SEZ6L: variants seen among roughly 807,000 people sequenced by gnomAD.
SEZ6L encodes the protein seizure related 6 homolog like.
Under a neutral mutation model 106.2 loss-of-function variants are expected in SEZ6L, and 37 were observed. That is an observed-to-expected ratio of 0.35 (90% CI 0.27 to 0.46). The LOEUF is 0.46. SEZ6L is among the 20% of genes least tolerant of loss of function. The probability of loss-of-function intolerance (pLI) is 1.00; values close to 1 mark genes in which losing one functional copy is unlikely to be tolerated. For missense variants in SEZ6L, 1,172 were observed against 1,332.8 expected, an observed-to-expected ratio of 0.88 and a Z score of 1.88; for synonymous variants, 541 against 570.4, an observed-to-expected ratio of 0.95 and a Z score of 0.73.
At chr22:26,347,428 T>TC (rs1275689330) in intron 10 of SEZ6L, among the ~76,000 whole-genome samples, 1 of 151,754 alleles carries the variant, frequency 6.6e-6, no homozygotes, top group Non-Finnish European at 1.5e-5. Flanking sequence ...AAAGTGATTG[T>TC]CCCCCCGTCA....
intron 6 of SEZ6L, among the ~76,000 whole-genome samples, chr22:26,310,006 T>G (rs955628223): frequency 6.6e-6 from 1 of 152,252 alleles, no homozygotes; most frequent in Admixed American, 6.5e-5. Context: ...CAGGTCTGCC[T>G]GACTTTACAA....
intron 1 of SEZ6L, among the ~76,000 whole-genome samples, chr22:26,258,117 A>T (rs571642250): frequency 1.3e-5 from 2 of 152,228 alleles, no homozygotes; most frequent in East Asian, 3.9e-4. Flanking sequence ...CTCTGCCCAG[A>T]TCTGGGTGGA....
chr22:26,266,574 A>AAAATAAATAAATAAAT (rs55949237), intron 1 of SEZ6L, among the ~76,000 whole-genome samples: 1 of 144,598 alleles, frequency 6.9e-6, no homozygotes, highest in Admixed American at 6.9e-5. Flanking sequence ...CTCCGTCTCA[A>AAAATAAATAAATAAAT]AAATAAATAA....
intron 10 of SEZ6L, among the ~76,000 whole-genome samples, chr22:26,341,431 C>A (rs2082833462): frequency 6.6e-6 from 1 of 152,120 alleles, no homozygotes. Context: ...AACCTTTAAA[C>A]CCTGGAGGGT....
chr22:26,330,836 G>A (rs2082457409), intron 9 of SEZ6L, among the ~76,000 whole-genome samples: 1 of 152,118 alleles, frequency 6.6e-6, no homozygotes, highest in African/African-American at 2.4e-5. Context: ...AGTTTAATGT[G>A]CAAACCATAT....
chr22:26,292,353 G>GTGAA, intron 1 of SEZ6L, 53 bp from the exon 2 acceptor site: 1 of 1,435,062 alleles, frequency 7.0e-7, no homozygotes, highest in East Asian at 2.3e-5. Context: ...CTGACAGCAG[G>GTGAA]TGAAGGTCCT....
chr22:26,305,228 T>C (rs910821592), intron 5 of SEZ6L, among the ~76,000 whole-genome samples: 1 of 152,232 alleles, frequency 6.6e-6, no homozygotes, highest in Admixed American at 6.5e-5. Flanking sequence ...TGGTGTTTTT[T>C]TTATTTTTCA....
intron 12 of SEZ6L, among the ~76,000 whole-genome samples, chr22:26,355,612 C>T (rs2083414041): frequency 6.6e-6 from 1 of 152,234 alleles, no homozygotes; most frequent in African/African-American, 2.4e-5. Context: ...CACCTGCAAT[C>T]TGAGCTACTC....
At chr22:26,348,424 A>C (rs1241251011) in intron 11 of SEZ6L, among the ~76,000 whole-genome samples, 1 of 149,032 alleles carries the variant, frequency 6.7e-6, no homozygotes, top group Non-Finnish European at 1.5e-5. Flanking sequence ...GGATTGCTGG[A>C]ACGCAGGTGT....
intron 9 of SEZ6L, among the ~76,000 whole-genome samples, chr22:26,330,691 C>T (rs1237151801): frequency 1.3e-5 from 2 of 152,080 alleles, no homozygotes; most frequent in African/African-American, 4.8e-5. Flanking sequence ...CTAATTTTTG[C>T]GGTTTCCACA....
intron 1 of SEZ6L, among the ~76,000 whole-genome samples, chr22:26,225,364 C>T (rs1199948486): frequency 6.6e-6 from 1 of 152,182 alleles, no homozygotes; most frequent in Non-Finnish European, 1.5e-5. Context: ...CCAGCTCTTG[C>T]TCCTCCATGA....
intron 1 of SEZ6L, among the ~76,000 whole-genome samples, chr22:26,278,930 GAAGA>G (rs200073408): frequency 0.073 from 9,214 of 125,848 alleles, 431 homozygotes; most frequent in Middle Eastern, 0.14. Context: ...AAGGGAAGAA[GAAGA>G]AAGAAAGAAA....
chr22:26,180,722 T>A (rs1939335957), intron 1 of SEZ6L, among the ~76,000 whole-genome samples: 1 of 152,116 alleles, frequency 6.6e-6, no homozygotes, highest in Non-Finnish European at 1.5e-5. Flanking sequence ...AAGAGAAGCC[T>A]CAAGGTGGGG....
At chr22:26,177,909 G>A (rs147839878) in intron 1 of SEZ6L, among the ~76,000 whole-genome samples, 1 of 152,274 alleles carries the variant, frequency 6.6e-6, no homozygotes, top group East Asian at 1.9e-4. Context: ...CCAGAGACAA[G>A]AAAGGGCTTA....
At chr22:26,357,094 G>A (rs2083462573) in intron 12 of SEZ6L, among the ~76,000 whole-genome samples, 1 of 152,062 alleles carries the variant, frequency 6.6e-6, no homozygotes, top group Admixed American at 6.5e-5. Context: ...TGGGACTACA[G>A]GTGCCCGCCA....
chr22:26,197,404 C>T (rs887582222), intron 1 of SEZ6L, among the ~76,000 whole-genome samples: 4 of 152,128 alleles, frequency 2.6e-5, no homozygotes, highest in Non-Finnish European at 5.9e-5. Flanking sequence ...AGTGGGTTTT[C>T]GCAGGTTGGG....
At chr22:26,363,777 T>C (rs1420019965) in intron 12 of SEZ6L, among the ~76,000 whole-genome samples, 10 of 152,218 alleles carry the variant, frequency 6.6e-5, no homozygotes, top group African/African-American at 4.8e-5. Flanking sequence ...TGTCCATCGA[T>C]GGATGAACGA....
intron 9 of SEZ6L, among the ~76,000 whole-genome samples, chr22:26,323,018 G>A (rs1465580790): frequency 6.6e-6 from 1 of 152,222 alleles, no homozygotes; most frequent in Admixed American, 6.5e-5. Flanking sequence ...TCGTAGAATA[G>A]AAGATCCGAG....
chr22:26,202,115 T>A (rs1420241414), intron 1 of SEZ6L, among the ~76,000 whole-genome samples: 1 of 152,084 alleles, frequency 6.6e-6, no homozygotes, highest in African/African-American at 2.4e-5. Context: ...GGGGTTTCAC[T>A]GTGTTAGCCA....
Sources: allele counts gnomAD v4.1 joint callset (sites outside exome capture counted in the v4.1 genomes callset), GRCh38; gene constraint gnomAD v4.1.1; transcripts MANE v1.5; gene names NCBI Gene and HGNC (gene_info 2026-07-23, HGNC 2026-07-21).